MYO16: variants seen among roughly 807,000 people sequenced by gnomAD.
The protein encoded by MYO16 is unconventional myosin-XVI.
In MYO16, 94 loss-of-function variants were observed where a neutral mutation model predicts 205.3. That is an observed-to-expected ratio of 0.46 (90% CI 0.39 to 0.54). The LOEUF (loss-of-function observed/expected upper bound fraction) is 0.54, where lower values mean the gene tolerates loss of function less well. Among genes scored for constraint, MYO16 ranks in the 20% least tolerant of loss-of-function variants. The pLI is 0.00. For missense variants in MYO16, 2,315 were observed against 2,387.5 expected (o/e 0.97, Z 0.63); for synonymous variants, 988 against 954.0 (o/e 1.04, Z -0.66).
At chr13:108,559,028 C>T in the MYO16 span, among the ~76,000 whole-genome samples, 1 of 150,822 alleles carries the variant, frequency 6.6e-6, no homozygotes, top group Non-Finnish European at 1.5e-5. Context: ...TCCTCAATAG[C>T]ACTGTAATGG....
At chr13:108,904,961 GTAAAA>G (rs1371900080) in intron 15 of MYO16, among the ~76,000 whole-genome samples, 3 of 152,158 alleles carry the variant, frequency 2.0e-5, no homozygotes, top group Non-Finnish European at 4.4e-5. Context: ...CGCAGATAAA[GTAAAA>G]TAATATACTG....
chr13:108,782,054 G>C (rs1232759353), intron 4 of MYO16, among the ~76,000 whole-genome samples: 1 of 152,162 alleles, frequency 6.6e-6, no homozygotes, highest in Non-Finnish European at 1.5e-5. Context: ...TTGCTGAAAA[G>C]ATACCCAAAA....
intron 2 of MYO16, among the ~76,000 whole-genome samples, chr13:108,703,939 C>A (rs1292354006): frequency 6.6e-6 from 1 of 152,132 alleles, no homozygotes; most frequent in Non-Finnish European, 1.5e-5. Flanking sequence ...GGGCTCAAAT[C>A]TAATATGACT....
At position 109,162,902 on chromosome 13, in the gene MYO16, T is replaced by C. The variant is rs1248564362; in HGVS notation, c.5165-1999T>C. ...CCACATTGAATAAGTATTCTTTCAG[T>C]TTCAGCCCATTCAATAATTGCTCAT... On this transcript the variant is annotated intron_variant, in intron 32 of 34. Coordinates refer to ENST00000457511, the MANE Select transcript of MYO16 (RefSeq NM_001198950.3). This position sits in a 1 kb window ranked among gnomAD's most constrained non-coding sequence, Gnocchi z 4.6. Among the ~76,000 whole-genome samples, 5 of 152,124 alleles carry C rather than the reference T, an allele frequency of 3.3e-5. No individual in the cohort carries two copies. Among genetic ancestry groups the C allele is most frequent in the African/African-American group, 1.2e-4 (5 of 41,426 alleles).
At chr13:109,192,347 A>G (rs1446244191) in intron 34 of MYO16, among the ~76,000 whole-genome samples, 1 of 152,080 alleles carries the variant, frequency 6.6e-6, no homozygotes, top group African/African-American at 2.4e-5. Context: ...TTGCTTTTAT[A>G]TTTTGCCTAC....
chr13:108,795,493 T>C (rs187047120), intron 6 of MYO16, among the ~76,000 whole-genome samples: 2 of 152,258 alleles, frequency 1.3e-5, no homozygotes, highest in African/African-American at 2.4e-5. Context: ...CAGGTGTGAG[T>C]TACCGCGCCT....
rs71125345 is a variant in MYO16 at position 108,838,770 on chromosome 13, G to GCACACACACA, written c.1098-5561_1098-5552dup. Among the ~76,000 whole-genome samples the GCACACACACA allele has an allele frequency of 5.5e-5, 8 of 145,510 alleles. No homozygotes were observed. In the South Asian group the frequency reaches 8.7e-4, roughly 16 times the overall value. On this transcript the variant is annotated intron_variant, in intron 9 of 34. Coordinates refer to ENST00000457511, the MANE Select transcript of MYO16 (RefSeq NM_001198950.3). ...TATATATATACACACACACACAAAT[G>GCACACACACA]CACACACACACACACACACACCATA... is the stretch of plus-strand genomic sequence containing the variant.
At chr13:108,791,818 T>A (rs1403789366) in intron 5 of MYO16, among the ~76,000 whole-genome samples, 2 of 152,220 alleles carry the variant, frequency 1.3e-5, no homozygotes, top group African/African-American at 4.8e-5. Context: ...ACAGTTTAAA[T>A]AACTTTCGCA....
At chr13:108,709,474 A>G (rs940800403) in intron 2 of MYO16, among the ~76,000 whole-genome samples, 1 of 79,968 alleles carries the variant, frequency 1.3e-5, no homozygotes, top group African/African-American at 4.7e-5. Flanking sequence ...GAACCACGTA[A>G]TGTAACAGAG....
At chr13:109,120,544 A>C in intron 29 of MYO16, 78 bp downstream of exon 29, 1 of 1,087,794 alleles carries the variant, frequency 9.2e-7, no homozygotes, top group East Asian at 2.5e-5. Flanking sequence ...CCCAAGTTTA[A>C]ATGTCGATGG....
chr13:109,055,748 G>C lies in MYO16; in HGVS notation c.3335+153G>C. On this transcript the variant is annotated intron_variant, in intron 27 of 34. Coordinates refer to ENST00000457511, the MANE Select transcript of MYO16 (RefSeq NM_001198950.3). This position sits in a 1 kb window ranked among gnomAD's most constrained non-coding sequence, Gnocchi z 5.0. ...TATCTCCAATAAACAAAATATTCTG[G>C]GAAACAATGAAATACACTGACAAAG... The C allele has an allele frequency of 1.6e-6, 1 of 641,020 alleles. No homozygotes were observed. Among genetic ancestry groups the C allele is most frequent in the South Asian group, 2.0e-5 (1 of 49,480 alleles). 39.7% of individuals were successfully genotyped at this position (641,020 alleles called of 1,614,324 possible).
rs752973762 is a variant in MYO16, at chr13:108,890,297, G to T, written c.1659+1820G>T. ...ATATCCTATTACTCCTAGCTCTTTA[G>T]TCTGTCCAGTTTCCTTCAGGTCCAC... On this transcript the variant is annotated intron_variant, in intron 14 of 34. Transcript: ENST00000457511. 5.7e-4 allele frequency among the ~76,000 whole-genome samples: 87 copies of T among 152,064 alleles called. 1 individual carries two copies. The highest frequency in any genetic ancestry group is 9.6e-4 in the Non-Finnish European group (65 of 68,002).
intron 4 of MYO16, among the ~76,000 whole-genome samples, chr13:108,732,768 A>G (rs532225996): frequency 1.3e-5 from 2 of 152,342 alleles, no homozygotes; most frequent in East Asian, 3.9e-4. Context: ...ACTGAGAAGA[A>G]CAGGGAACAT....
At chr13:108,547,036 G>T in the MYO16 span, among the ~76,000 whole-genome samples, 1 of 152,054 alleles carries the variant, frequency 6.6e-6, no homozygotes. Context: ...ACTTTGGGAG[G>T]CCGACGTGGG....
intron 20 of MYO16, among the ~76,000 whole-genome samples, chr13:108,978,035 T>C (rs563431809): frequency 6.6e-6 from 1 of 152,146 alleles, no homozygotes; most frequent in South Asian, 2.1e-4. Flanking sequence ...CATGCACACC[T>C]TTATTTTATT....
intron 1 of MYO16, among the ~76,000 whole-genome samples, chr13:108,636,087 T>A (rs1043174153): frequency 6.6e-6 from 1 of 152,110 alleles, no homozygotes; most frequent in African/African-American, 2.4e-5. Context: ...ACCTACTGAA[T>A]TGAAATTTGC....
At chr13:108,840,210 C>A (rs1202927098) in intron 9 of MYO16, among the ~76,000 whole-genome samples, 1 of 152,204 alleles carries the variant, frequency 6.6e-6, no homozygotes, top group African/African-American at 2.4e-5. Flanking sequence ...TTGGCTAAAA[C>A]ACTATAAAAC....
At chr13:108,882,132 T>A (rs2139165054) in intron 12 of MYO16, among the ~76,000 whole-genome samples, 1 of 152,338 alleles carries the variant, frequency 6.6e-6, no homozygotes, top group East Asian at 1.9e-4. Context: ...TTTTCTGGCA[T>A]GTGGTCCCAT....
chr13:108,823,140 A>G lies in MYO16; in HGVS notation c.959A>G (p.Glu320Gly). The G allele has an allele frequency of 6.2e-7, 1 of 1,610,486 alleles. No homozygotes were observed. The highest frequency in any genetic ancestry group is 8.5e-7 in the Non-Finnish European group (1 of 1,179,196). ...TTTCTTGTAGATATTGCTGCCTCTG[A>G]GTTTATTGAGGAAATGCTGCTGAAA... is the stretch of plus-strand genomic sequence containing the variant. ...EEKASDIAAS[E>G]FIEEMLLKAE... Residue 320 changes from glutamate (E) to glycine (G), a missense_variant, in exon 9 of 35, where the codon GAG (glutamate) becomes GGG (glycine). Glu to Gly is a moderately conservative substitution (Grantham distance 98, BLOSUM62 -2). Around this residue, in one of 3 missense-constraint regions of MYO16, gnomAD observed 1,213 missense variants for 1,274.4 expected, o/e 0.95. Coordinates refer to ENST00000457511, the MANE Select transcript of MYO16 (RefSeq NM_001198950.3).
Sources: gnomAD v4.1 joint callset for allele counts (sites outside exome capture counted in the v4.1 genomes callset) on GRCh38, gnomAD v4.1.1 for gene constraint, gnomAD v4.1.1 regional missense constraint, Gnocchi (gnomAD v3.1) non-coding constraint, MANE v1.5 for transcripts, NCBI Gene and HGNC (gene_info 2026-07-23, HGNC 2026-07-21) for gene names.